DDX46: variants seen among roughly 807,000 people sequenced by gnomAD.
DDX46 encodes probable ATP-dependent RNA helicase DDX46.
DDX46 carries 30 observed loss-of-function variants against 134.9 expected under a neutral mutation model. The ratio of observed to expected loss-of-function variants is 0.22; its 90% CI spans 0.17 to 0.30. The LOEUF (loss-of-function observed/expected upper bound fraction) is 0.30, where lower values mean the gene tolerates loss of function less well. Among genes scored for constraint, DDX46 ranks in the 10% least tolerant of loss-of-function variants. The pLI is 1.00. For synonymous variants in DDX46, 415 were observed against 404.1 expected (o/e 1.03, Z -0.32); for missense variants, 622 against 1,248.7 (o/e 0.50, Z 7.56).
In DDX46 at chr5:134,817,510, G is replaced by T; in HGVS notation, c.2628G>T (p.Gln876His). The stretch of plus-strand genomic sequence containing the variant: ...TTTAACTACAGGATGTGATGCAGCA[G>T]GCCACCAATGCAATTCTTAGGGGTG... ...GIESQVDVMQ[Q>H]ATNAILRGGT... Residue 876 changes from glutamine to histidine, a missense_variant, in exon 20 of 23, where the codon CAG (glutamine) becomes CAT (histidine). Around this residue, in one of 8 missense-constraint regions of DDX46, gnomAD observed 76 missense variants for 213.0 expected, o/e 0.36. Transcript: ENST00000452510. 1 of 1,613,856 alleles carries T rather than the reference G, an allele frequency of 6.2e-7. No individual in the cohort carries two copies. Among genetic ancestry groups the T allele is most frequent in the Non-Finnish European group, 8.5e-7 (1 of 1,179,944 alleles).
In DDX46 at chr5:134,795,208, T is replaced by G. The variant is rs573488206; in HGVS notation, c.1791+194T>G. On this transcript the variant is annotated intron_variant, in intron 14 of 22. Transcript: ENST00000452510. ...ACGGAGCTATTTAAAATGCTTGTTT[T>G]TTTTTTTTTTTGTTTTTTTTTTGCT... is the stretch of plus-strand genomic sequence containing the variant. Among the ~76,000 whole-genome samples, 32 of 143,832 alleles carry G rather than the reference T, an allele frequency of 2.2e-4. 1 individual carries two copies. Among genetic ancestry groups the G allele is most frequent in the Admixed American group, 9.5e-4 (14 of 14,780 alleles). The allele number at this position is 143,832 out of a possible 152,430, so 94.4% of individuals were successfully genotyped here. A position where few individuals can be genotyped will look rare whatever the true frequency, so the allele number is the denominator to read the frequency against.
At chr5:134,807,527 A>G (rs1755027450) in intron 15 of DDX46, among the ~76,000 whole-genome samples, 1 of 152,218 alleles carries the variant, frequency 6.6e-6, no homozygotes, top group Non-Finnish European at 1.5e-5. Flanking sequence ...TATAAACCTT[A>G]TATAGAAGAA....
At chr5:134,763,632 A>T (rs1301212951) in intron 1 of DDX46, among the ~76,000 whole-genome samples, 2 of 152,106 alleles carry the variant, frequency 1.3e-5, no homozygotes, top group Non-Finnish European at 2.9e-5. Flanking sequence ...CTTTTCCTTT[A>T]CCGGAGTGTA....
At chr5:134,820,444 C>G in intron 21 of DDX46, among the ~76,000 whole-genome samples, 1 of 152,120 alleles carries the variant, frequency 6.6e-6, no homozygotes, top group East Asian at 1.9e-4. Flanking sequence ...CTTACTGCAA[C>G]CTCCGCCTTC....
chr5:134,786,991 T>C (rs1040553481), intron 11 of DDX46, among the ~76,000 whole-genome samples: 1 of 152,100 alleles, frequency 6.6e-6, no homozygotes, highest in Non-Finnish European at 1.5e-5. Flanking sequence ...GGTGTGACCT[T>C]GGCTCACTGC....
chr5:134,760,212 C>T (rs1385486660), intron 1 of DDX46, among the ~76,000 whole-genome samples: 1 of 152,174 alleles, frequency 6.6e-6, no homozygotes, highest in East Asian at 1.9e-4. Flanking sequence ...AACTCTATGA[C>T]AGCCTTCAAG....
intron 1 of DDX46, among the ~76,000 whole-genome samples, chr5:134,759,346 G>A (rs774740607): frequency 1.2e-4 from 19 of 152,142 alleles, no homozygotes; most frequent in Non-Finnish European, 2.4e-4. Context: ...AGTTCTTTGT[G>A]CGCGTATGAT....
intron 9 of DDX46, among the ~76,000 whole-genome samples, chr5:134,783,848 CTTT>C (rs60870042): frequency 3.0e-5 from 4 of 131,306 alleles, no homozygotes; most frequent in Admixed American, 7.8e-5. Flanking sequence ...CAAGGCCGGC[CTTT>C]TTTTTTTTTT....
intron 14 of DDX46, 131 bp from the exon 15 acceptor site, chr5:134,795,857 A>T: frequency 1.2e-6 from 1 of 862,874 alleles, no homozygotes; most frequent in East Asian, 2.7e-5. Context: ...TAAAATCAAC[A>T]TCTTCCTAGC....
In DDX46 at chr5:134,817,538, A is replaced by G; in HGVS notation, c.2656A>G (p.Thr886Ala). 6.2e-7 allele frequency: 1 copy of G among 1,614,150 alleles called. No homozygotes were observed. Among genetic ancestry groups the G allele is most frequent in the South Asian group, 1.1e-5 (1 of 91,084 alleles). Reference sequence around the variant, plus strand: ...CACCAATGCAATTCTTAGGGGTGGCACCATTCTGGCTCCCACTGTTTCTGC... The same window carrying G: ...CACCAATGCAATTCTTAGGGGTGGCGCCATTCTGGCTCCCACTGTTTCTGC... ...QATNAILRGG[T>A]ILAPTVSAKT... The change falls in exon 20 of 23, where the codon ACC (threonine) becomes GCC (alanine). Residue 886 changes from threonine (T) to alanine (A), a missense_variant. Thr to Ala is a moderately conservative substitution (Grantham distance 58). Transcript: ENST00000452510.
rs144815599 is a variant in DDX46, at chr5:134,792,510, G to A, written c.1626+1958G>A. ...GTAAGAGAGTAAAGAGAATTGAAGTGTCAGATGGAACACAGTCACATGCCC... is the reference window on the plus strand; with the variant it reads ...GTAAGAGAGTAAAGAGAATTGAAGTATCAGATGGAACACAGTCACATGCCC... On this transcript the variant is annotated intron_variant, in intron 13 of 22. Coordinates refer to ENST00000452510, the MANE Select transcript of DDX46 (RefSeq NM_001300860.2). Among the ~76,000 whole-genome samples, 1,296 of 152,294 alleles carry A rather than the reference G, an allele frequency of 8.5e-3. 7 individuals are homozygous for A. The highest frequency in any genetic ancestry group is 0.041 in the Middle Eastern group (12 of 294).
intron 1 of DDX46, among the ~76,000 whole-genome samples, chr5:134,759,559 A>T (rs1753313441): frequency 6.6e-6 from 1 of 152,208 alleles, no homozygotes; most frequent in South Asian, 2.1e-4. Flanking sequence ...AGCTCTTATT[A>T]GAACTCATTA....
chr5:134,789,079 T>A (rs1262068084), intron 12 of DDX46: 2 of 152,248 alleles, frequency 1.3e-5, no homozygotes, highest in Non-Finnish European at 2.9e-5. Flanking sequence ...CTACATAAAT[T>A]AAGATATTGC....
At chr5:134,769,394 A>G (rs1323311395) in intron 3 of DDX46, among the ~76,000 whole-genome samples, 6 of 140,770 alleles carry the variant, frequency 4.3e-5, no homozygotes, top group Non-Finnish European at 6.0e-5. Flanking sequence ...GTAGTTGTGC[A>G]ATATCAGCTC....
chr5:134,818,472 TG>T (rs1459523429), intron 20 of DDX46, among the ~76,000 whole-genome samples: 1 of 149,642 alleles, frequency 6.7e-6, no homozygotes, highest in Non-Finnish European at 1.5e-5. Context: ...GAGACTAAGG[TG>T]GGTGAATCAC....
chr5:134,791,868 GA>G (rs1754513391), intron 13 of DDX46, among the ~76,000 whole-genome samples: 1 of 152,140 alleles, frequency 6.6e-6, no homozygotes, highest in South Asian at 2.1e-4. Context: ...AACCATATGC[GA>G]AACAGTTAAA....
intron 3 of DDX46, among the ~76,000 whole-genome samples, chr5:134,770,386 A>G (rs528217114): frequency 6.6e-6 from 1 of 151,642 alleles, no homozygotes; most frequent in Non-Finnish European, 1.5e-5. Flanking sequence ...AATTCTTAGT[A>G]TATTTTGGAA....
At chr5:134,808,085 AATTTAT>A in intron 16 of DDX46, 144 bp downstream of exon 16, 1 of 763,246 alleles carries the variant, frequency 1.3e-6, no homozygotes, top group Non-Finnish European at 2.0e-6. Context: ...TGATGTTAAT[AATTTAT>A]ATACATGTAC....
At chr5:134,799,987 G>A (rs974015151) in intron 15 of DDX46, among the ~76,000 whole-genome samples, 12 of 152,134 alleles carry the variant, frequency 7.9e-5, no homozygotes, top group South Asian at 2.1e-4. Flanking sequence ...TCGCTCTGTC[G>A]CCCAGGCTGG....
Sources: allele counts gnomAD v4.1 joint callset (sites outside exome capture counted in the v4.1 genomes callset), GRCh38; gene constraint gnomAD v4.1.1; regional missense constraint gnomAD v4.1.1; transcripts MANE v1.5; gene names NCBI Gene and HGNC (gene_info 2026-07-23, HGNC 2026-07-21).